Variants in DSCAM observed in about 807,000 individuals in gnomAD.
The protein encoded by DSCAM is cell adhesion molecule DSCAM.
Under a neutral mutation model 217.7 loss-of-function variants are expected in DSCAM, and 47 were observed. That is an observed-to-expected ratio of 0.22 (90% CI 0.17 to 0.28). The LOEUF (loss-of-function observed/expected upper bound fraction) is 0.28. DSCAM is among the 10% of genes least tolerant of loss of function. The probability of loss-of-function intolerance (pLI) is 1.00; values close to 1 mark genes in which losing one functional copy is unlikely to be tolerated. For missense variants in DSCAM, 2,080 were observed against 2,618.3 expected (o/e 0.79, Z 4.49); for synonymous variants, 1,056 against 1,015.3 (o/e 1.04, Z -0.76).
chr21:40,052,430 G>A (rs2088948787), intron 29 of DSCAM, among the ~76,000 whole-genome samples: 1 of 152,142 alleles, frequency 6.6e-6, no homozygotes, highest in Non-Finnish European at 1.5e-5. Flanking sequence ...GGATTTATGT[G>A]TTTGTCAAAA....
At chr21:40,754,499 C>T (rs1398971411) in intron 1 of DSCAM, among the ~76,000 whole-genome samples, 2 of 152,170 alleles carry the variant, frequency 1.3e-5, no homozygotes, top group East Asian at 1.9e-4. Context: ...TGAGAAATGG[C>T]AGCTTCATCT....
chr21:40,827,768 G>A (rs1220849620), intron 1 of DSCAM, among the ~76,000 whole-genome samples: 4 of 152,138 alleles, frequency 2.6e-5, no homozygotes, highest in Non-Finnish European at 2.9e-5. Context: ...CAGGAAGGGC[G>A]GTACAGGCAA....
chr21:40,245,509 C>T (rs566557515), intron 11 of DSCAM, among the ~76,000 whole-genome samples: 1 of 152,288 alleles, frequency 6.6e-6, no homozygotes, highest in Non-Finnish European at 1.5e-5. Context: ...AAGATGCCTC[C>T]ACCTGCACCT....
chr21:40,233,635 C>A (rs1012141997), intron 11 of DSCAM, among the ~76,000 whole-genome samples: 1 of 152,166 alleles, frequency 6.6e-6, no homozygotes, highest in African/African-American at 2.4e-5. Flanking sequence ...ATGCTCATCC[C>A]TGCCCTCTAG....
intron 1 of DSCAM, among the ~76,000 whole-genome samples, chr21:40,782,007 A>G (rs1384196232): frequency 1.3e-5 from 2 of 149,888 alleles, no homozygotes; most frequent in Admixed American, 6.6e-5. Flanking sequence ...AAAAAAAAAA[A>G]AAAGAAAAAA....
At chr21:40,252,097 G>A (rs912064161) in intron 11 of DSCAM, among the ~76,000 whole-genome samples, 2 of 152,182 alleles carry the variant, frequency 1.3e-5, no homozygotes, top group Non-Finnish European at 2.9e-5. Flanking sequence ...AAGACATTGA[G>A]AAAGCTGTTT....
At chr21:40,818,387 A>G (rs1172675004) in intron 1 of DSCAM, among the ~76,000 whole-genome samples, 1 of 151,164 alleles carries the variant, frequency 6.6e-6, no homozygotes, top group African/African-American at 2.4e-5. Flanking sequence ...TGTACTAAAA[A>G]TACAAAAAAT....
intron 11 of DSCAM, among the ~76,000 whole-genome samples, chr21:40,207,958 T>G (rs2091144262): frequency 6.6e-6 from 1 of 152,204 alleles, no homozygotes; most frequent in Non-Finnish European, 1.5e-5. Flanking sequence ...TAGGACCTAA[T>G]TTTACCTTAA....
intron 1 of DSCAM, among the ~76,000 whole-genome samples, chr21:40,785,644 C>T (rs1053019769): frequency 1.8e-4 from 28 of 152,218 alleles, no homozygotes; most frequent in African/African-American, 6.5e-4. Context: ...TGTAATGGGA[C>T]TCCCAGGATG....
intron 11 of DSCAM, among the ~76,000 whole-genome samples, chr21:40,259,346 T>G (rs995602214): frequency 5.9e-5 from 9 of 152,082 alleles, no homozygotes; most frequent in Non-Finnish European, 1.2e-4. Context: ...TAGGGCCTTT[T>G]CTCTGGTTAT....
chr21:40,074,928 A>C (rs751521775), intron 27 of DSCAM, 109 bp downstream of exon 27: 2 of 1,195,892 alleles, frequency 1.7e-6, no homozygotes, highest in Admixed American at 5.0e-5. Flanking sequence ...CCTGGGTTAA[A>C]GAGGGAAGAG....
At chr21:40,681,718 A>T (rs558340678) in intron 3 of DSCAM, among the ~76,000 whole-genome samples, 1 of 152,180 alleles carries the variant, frequency 6.6e-6, no homozygotes, top group Non-Finnish European at 1.5e-5. Context: ...CATTTAAGTT[A>T]CCATGAGGTC....
intron 8 of DSCAM, among the ~76,000 whole-genome samples, chr21:40,323,663 T>A (rs1040330440): frequency 2.6e-5 from 4 of 152,254 alleles, no homozygotes; most frequent in Non-Finnish European, 5.9e-5. Context: ...GAGCAAAAAT[T>A]CAGTTTTTCT....
intron 3 of DSCAM, among the ~76,000 whole-genome samples, chr21:40,572,216 T>C (rs929665742): frequency 4.6e-5 from 7 of 152,000 alleles, no homozygotes; most frequent in South Asian, 2.1e-4. Flanking sequence ...AATGAGAGAA[T>C]AGAATTATAT....
chr21:40,501,537 T>C (rs1007747116), intron 3 of DSCAM, among the ~76,000 whole-genome samples: 3 of 151,030 alleles, frequency 2.0e-5, no homozygotes, highest in Non-Finnish European at 4.4e-5. Context: ...AGGTCATCCA[T>C]GAGCTGCCTC....
intron 3 of DSCAM, among the ~76,000 whole-genome samples, chr21:40,446,405 C>T (rs1484753896): frequency 6.6e-6 from 1 of 152,144 alleles, no homozygotes; most frequent in Non-Finnish European, 1.5e-5. Context: ...GGAATGTCAG[C>T]CCATCTTGGA....
chr21:40,714,851 C>T (rs1018320504), intron 1 of DSCAM, among the ~76,000 whole-genome samples: 7 of 152,166 alleles, frequency 4.6e-5, no homozygotes, highest in East Asian at 3.9e-4. Context: ...CCAAAACTCA[C>T]GTTGAAATTT....
chr21:40,050,571 C>T (rs2088914243), intron 30 of DSCAM, among the ~76,000 whole-genome samples: 1 of 152,058 alleles, frequency 6.6e-6, no homozygotes, highest in Non-Finnish European at 1.5e-5. Context: ...CAAGCTCTGC[C>T]TCCCAGGTTC....
In DSCAM at chr21:40,312,112, A is replaced by G; in HGVS notation, c.2031T>C (p.Ala677=). 1 of 1,614,078 alleles carries G rather than the reference A, an allele frequency of 6.2e-7. No homozygotes were observed. Among genetic ancestry groups the G allele is most frequent in the Non-Finnish European group, 8.5e-7 (1 of 1,179,992 alleles). ...CAATCAACTGGCTTTGGTGCTCCAC[A>G]GCGGCGGCCTCATTCCGGGCTATGC... ...YTCIARNEAA[A]VEHQSQLIVR... is the part of the protein sequence containing the mutation. The change falls in exon 9 of 33, where the codon GCT becomes GCC. Residue 677 remains alanine (A), a synonymous_variant. Coordinates refer to ENST00000400454, the MANE Select transcript of DSCAM (RefSeq NM_001389.5).
Sources: gnomAD v4.1 joint callset for allele counts (sites outside exome capture counted in the v4.1 genomes callset) on GRCh38, gnomAD v4.1.1 for gene constraint, MANE v1.5 for transcripts, NCBI Gene and HGNC (gene_info 2026-07-23, HGNC 2026-07-21) for gene names.